Variants in PUDP observed in about 807,000 individuals in gnomAD.
PUDP encodes the protein pseudouridine 5'-phosphatase.
PUDP carries 8 observed loss-of-function variants against 9.4 expected under a neutral mutation model. The ratio of observed to expected loss-of-function variants is 0.85; its 90% CI spans 0.50 to 1.53. PUDP has a LOEUF of 1.53. PUDP is among the 40% of genes most tolerant of loss of function. PUDP has a pLI of 0.00. For synonymous variants in PUDP, 99 were observed against 80.7 expected, an observed-to-expected ratio of 1.23 and a Z score of -1.22; for missense variants, 188 against 189.7, an observed-to-expected ratio of 0.99 and a Z score of 0.05.
At chrX:6,965,149 T>C (rs1266167515) in intron 3 of PUDP, among the ~76,000 whole-genome samples, 1 of 112,155 alleles carries the variant, frequency 8.9e-6, no homozygotes, top group Non-Finnish European at 1.9e-5. Flanking sequence ...AATGATCCCC[T>C]AAAGCCTGTC....
rs1287219124 is a variant in PUDP, at chrX:7,132,000, C to A, written c.61+16053G>T. On this transcript the variant is annotated intron_variant, in intron 1 of 3. Transcript: ENST00000381077. ...ACATCCGACTGGCCAACTTCCTTTT[C>A]CTGGCTCCCAAGAAAATCGAGTTGT... Among the ~76,000 whole-genome samples, 3 of 110,463 alleles carry A rather than the reference C, an allele frequency of 2.7e-5. No homozygotes were observed. In the East Asian group the frequency reaches 8.5e-4, roughly 31 times the overall value.
At chrX:7,103,072 T>C (rs1369011923) in intron 2 of PUDP, among the ~76,000 whole-genome samples, 1 of 111,340 alleles carries the variant, frequency 9.0e-6, no homozygotes, top group Non-Finnish European at 1.9e-5. Context: ...GAGAAATACA[T>C]CCTAAAATTC....
chrX:7,002,757 T>C (rs1456730853), intron 1 of PUDP, among the ~76,000 whole-genome samples: 2 of 110,584 alleles, frequency 1.8e-5, no homozygotes, highest in Non-Finnish European at 3.8e-5. Context: ...ATTTCCTAAA[T>C]TAGATGGAAC....
chrX:6,845,140 T>A (rs777504755), intron 3 of PUDP, among the ~76,000 whole-genome samples: 6 of 112,044 alleles, frequency 5.4e-5, no homozygotes, highest in Non-Finnish European at 1.1e-4. Flanking sequence ...GGGCCTCTTT[T>A]AGCCTAGTCA....
chrX:6,945,430 T>G (rs112862782), intron 3 of PUDP, among the ~76,000 whole-genome samples: 1 of 112,011 alleles, frequency 8.9e-6, no homozygotes, highest in African/African-American at 3.2e-5. Context: ...TTTCTGTATA[T>G]GCTTTAAAAT....
Position 6,783,546 on chromosome X carries a change from G to A in PUDP, c.*248-77080C>T, listed in dbSNP as rs772459373. On this transcript the variant is annotated intron_variant and NMD_transcript_variant, in intron 3 of 3. Transcript: ENST00000655425. ...GTGAACACTGGATTTCGTGAGTCCC[G>A]GGAAGGAGTACACACTAATCACCAG... Among the ~76,000 whole-genome samples the A allele has an allele frequency of 1.7e-4, 19 of 111,660 alleles. No homozygotes were observed. In the South Asian group the frequency reaches 3.1e-3, roughly 18 times the overall value.
chrX:7,140,795 G>A (rs1325374832), intron 1 of PUDP, among the ~76,000 whole-genome samples: 2 of 111,871 alleles, frequency 1.8e-5, no homozygotes, highest in Admixed American at 9.5e-5. Context: ...ACCCTGCGTC[G>A]AGAAAGTCTA....
chrX:6,722,902 A>G (rs1429779692), upstream of PUDP, among the ~76,000 whole-genome samples: 2 of 112,186 alleles, frequency 1.8e-5, no homozygotes, highest in Non-Finnish European at 3.8e-5. Flanking sequence ...GAATTACAAG[A>G]TAGGATAGCA....
chrX:7,020,153 T>C (rs1929611606), intron 1 of PUDP, among the ~76,000 whole-genome samples: 1 of 110,298 alleles, frequency 9.1e-6, no homozygotes, highest in Non-Finnish European at 1.9e-5. Context: ...GAGACACTGG[T>C]GAAACAATGG....
At position 7,140,138 on chromosome X, in the gene PUDP, G is replaced by T. The variant is rs778594785; in HGVS notation, c.61+7915C>A. ...TTACACAGTAGAAATGCATGTGTTA[G>T]GATTACTATGTCTTCAAAAAAATGC... is the stretch of plus-strand genomic sequence containing the variant. On this transcript the variant is annotated intron_variant, in intron 1 of 3. Coordinates refer to ENST00000381077, the MANE Select transcript of PUDP (RefSeq NM_012080.5). 2.9e-4 allele frequency among the ~76,000 whole-genome samples: 32 copies of T among 112,179 alleles called. No individual in the cohort carries two copies. In the South Asian group the frequency reaches 0.012, roughly 41 times the overall value.
At chrX:6,878,421 T>TCGCCC (rs1927297850) in intron 3 of PUDP, among the ~76,000 whole-genome samples, 2 of 109,612 alleles carry the variant, frequency 1.8e-5, no homozygotes, top group Non-Finnish European at 3.8e-5. Context: ...GGCTGAGGTG[T>TCGCCC]AGTGGCACAA....
chrX:7,021,765 C>A (rs746768966), intron 1 of PUDP, among the ~76,000 whole-genome samples: 1 of 111,916 alleles, frequency 8.9e-6, no homozygotes, highest in Non-Finnish European at 1.9e-5. Context: ...TGAGGACATT[C>A]GCTGGAATGT....
chrX:6,761,172 A>G (rs1344674329), intron 3 of PUDP, among the ~76,000 whole-genome samples: 1 of 111,976 alleles, frequency 8.9e-6, no homozygotes, highest in Admixed American at 9.5e-5. Flanking sequence ...ATGGTATGGG[A>G]TGGATTTGTA....
At chrX:6,886,724 A>C (rs1312586118) in intron 3 of PUDP, among the ~76,000 whole-genome samples, 1 of 111,264 alleles carries the variant, frequency 9.0e-6, no homozygotes, top group Non-Finnish European at 1.9e-5. Flanking sequence ...TTTATCTTCA[A>C]CAAAGAGTTG....
At chrX:7,042,462 G>A (rs1438106062) in intron 1 of PUDP, among the ~76,000 whole-genome samples, 2 of 111,748 alleles carry the variant, frequency 1.8e-5, no homozygotes, top group African/African-American at 6.5e-5. Flanking sequence ...AGCTAATTAG[G>A]GTGAATACAA....
At chrX:6,809,602 T>C (rs934177741) in intron 3 of PUDP, among the ~76,000 whole-genome samples, 1 of 111,058 alleles carries the variant, frequency 9.0e-6, no homozygotes, top group Non-Finnish European at 1.9e-5. Context: ...AAGCCCTATA[T>C]GCCTTTTTAA....
chrX:7,119,045 T>C (rs1218735718), intron 1 of PUDP, among the ~76,000 whole-genome samples: 3 of 112,382 alleles, frequency 2.7e-5, no homozygotes, highest in Non-Finnish European at 5.6e-5. Context: ...AGAATGTTTT[T>C]CTCACCTGAA....
intron 3 of PUDP, among the ~76,000 whole-genome samples, chrX:6,781,352 G>A (rs1348734782): frequency 2.7e-5 from 3 of 111,466 alleles, no homozygotes; most frequent in Non-Finnish European, 3.8e-5. Context: ...CACCCATTAC[G>A]GCACTCTTTT....
At chrX:7,000,383 T>C (rs1257141752) in intron 1 of PUDP, among the ~76,000 whole-genome samples, 2 of 111,004 alleles carry the variant, frequency 1.8e-5, no homozygotes, top group African/African-American at 6.5e-5. Flanking sequence ...AAGAAAAATC[T>C]AGGCCCAGTT....
Sources: gnomAD v4.1 joint callset for allele counts (sites outside exome capture counted in the v4.1 genomes callset) on GRCh38, gnomAD v4.1.1 for gene constraint, MANE v1.5 for transcripts, NCBI Gene and HGNC (gene_info 2026-07-23, HGNC 2026-07-21) for gene names.